Variants in RALGAPA1 observed in about 807,000 individuals in gnomAD.
The protein encoded by RALGAPA1 is ral GTPase-activating protein subunit alpha-1.
A neutral mutation model predicts 269.6 loss-of-function variants in RALGAPA1; 52 were observed. The ratio of observed to expected loss-of-function variants is 0.19; its 90% confidence interval spans 0.15 to 0.24. The LOEUF (loss-of-function observed/expected upper bound fraction) is 0.24, where lower values mean the gene tolerates loss of function less well. Ranked by LOEUF, RALGAPA1 falls within the 10% of genes least tolerant of loss-of-function variation. RALGAPA1 has a pLI of 1.00. For missense variants in RALGAPA1, 1,917 were observed against 3,013.9 expected, an observed-to-expected ratio of 0.64 and a Z score of 8.52; for synonymous variants, 817 against 1,008.3, an observed-to-expected ratio of 0.81 and a Z score of 3.60.
At position 35,681,694 on chromosome 14, in the gene RALGAPA1, A is replaced by T. The variant is rs58105958; in HGVS notation, c.4471+2115T>A. ...CACACCCACCTTTAAGTATACAGTTATTTGAAAAATGGCAACTGCACATGG... is the reference window on the plus strand; with the variant it reads ...CACACCCACCTTTAAGTATACAGTTTTTTGAAAAATGGCAACTGCACATGG... On this transcript the variant is annotated intron_variant, in intron 21 of 41. Transcript: ENST00000680220. Among the ~76,000 whole-genome samples the T allele has an allele frequency of 1.4e-4, 21 of 152,328 alleles. No homozygotes were observed. In the East Asian group the frequency reaches 3.7e-3, roughly 27 times the overall value.
chr14:35,732,796 T>C (rs1308024078), intron 12 of RALGAPA1, among the ~76,000 whole-genome samples: 3 of 152,070 alleles, frequency 2.0e-5, no homozygotes, highest in Non-Finnish European at 4.4e-5. Flanking sequence ...AGCAACACAA[T>C]AATAGTGGGG....
chr14:35,765,496 A>T (rs533490265), intron 4 of RALGAPA1, among the ~76,000 whole-genome samples: 182 of 152,128 alleles, frequency 1.2e-3, no homozygotes, highest in African/African-American at 4.1e-3. Flanking sequence ...ATTTATATAT[A>T]TACTTAACAA....
At chr14:35,608,929 C>T (rs920155221) in intron 35 of RALGAPA1, among the ~76,000 whole-genome samples, 1 of 152,068 alleles carries the variant, frequency 6.6e-6, no homozygotes, top group Admixed American at 6.5e-5. Flanking sequence ...ACAGGATAGA[C>T]CATAAAACAA....
chr14:35,607,090 C>T (rs1029355830), intron 35 of RALGAPA1, among the ~76,000 whole-genome samples: 1 of 152,120 alleles, frequency 6.6e-6, no homozygotes, highest in African/African-American at 2.4e-5. Context: ...AGCTTATCTG[C>T]TGAAAAAATT....
At chr14:35,572,764 A>G in intron 37 of RALGAPA1, 46 bp from the exon 38 acceptor site, 1 of 1,440,632 alleles carries the variant, frequency 6.9e-7, no homozygotes, top group African/African-American at 1.4e-5. Flanking sequence ...AAGCTCTTTG[A>G]GTACAGTCAT....
Position 35,686,534 on chromosome 14 carries a change from A to C in RALGAPA1, c.4077+8T>G, listed in dbSNP as rs1367799110. 1.3e-6 allele frequency: 2 copies of C among 1,592,800 alleles called. No homozygotes were observed. The highest frequency in any genetic ancestry group is 2.7e-5 in the African/African-American group (2 of 74,048). On this transcript the variant is annotated splice_region_variant and intron_variant, in intron 19 of 41. Coordinates refer to ENST00000680220, the MANE Select transcript of RALGAPA1 (RefSeq NM_001346249.2). ...TCTATAAAACCAAATATATAAAATA[A>C]AACTTACCGAGGCATTACCACTTCG...
At chr14:35,801,079 C>A (rs1201186518) in intron 1 of RALGAPA1, among the ~76,000 whole-genome samples, 15 of 142,094 alleles carry the variant, frequency 1.1e-4, no homozygotes, top group Admixed American at 3.5e-4. Context: ...AAAAAAAAAA[C>A]CACACACACA....
At chr14:35,603,872 T>C (rs2059429622) in intron 36 of RALGAPA1, among the ~76,000 whole-genome samples, 1 of 152,048 alleles carries the variant, frequency 6.6e-6, no homozygotes, top group African/African-American at 2.4e-5. Context: ...GAGATGAAGA[T>C]AGGCTGGCTA....
At chr14:35,639,831 C>A (rs866933200) in intron 31 of RALGAPA1, among the ~76,000 whole-genome samples, 4 of 151,066 alleles carry the variant, frequency 2.6e-5, no homozygotes, top group African/African-American at 9.7e-5. Flanking sequence ...CCCAGCTACT[C>A]GGGAGGCTGA....
In RALGAPA1 at chr14:35,605,728, C is replaced by T. The variant is rs769838316; in HGVS notation, c.6930-19G>A. Reference sequence around the variant, plus strand: ...CTCTCGGCTATAAAACAAAAGATTACACCATTAATTTAATCACTATTTTAT... The same window carrying T: ...CTCTCGGCTATAAAACAAAAGATTATACCATTAATTTAATCACTATTTTAT... On this transcript the variant is annotated intron_variant, in intron 35 of 41. Transcript: ENST00000680220. 2.5e-6 allele frequency: 4 copies of T among 1,601,084 alleles called. No homozygotes were observed. The highest frequency in any genetic ancestry group is 1.3e-5 in the African/African-American group (1 of 74,266).
intron 31 of RALGAPA1, among the ~76,000 whole-genome samples, chr14:35,650,066 G>A (rs145171486): frequency 2.6e-5 from 4 of 152,222 alleles, no homozygotes; most frequent in African/African-American, 4.8e-5. Context: ...ACACTAAAGC[G>A]AAGGATTCTT....
chr14:35,761,644 G>A (rs1199807640), intron 5 of RALGAPA1, among the ~76,000 whole-genome samples: 1 of 152,110 alleles, frequency 6.6e-6, no homozygotes, highest in African/African-American at 2.4e-5. Flanking sequence ...GTACACAGAA[G>A]ACAATAAATA....
chr14:35,648,760 T>C (rs986431113), intron 31 of RALGAPA1, among the ~76,000 whole-genome samples: 1 of 152,180 alleles, frequency 6.6e-6, no homozygotes, highest in African/African-American at 2.4e-5. Context: ...ATTGCGCCAC[T>C]GTACTCCAGC....
intron 4 of RALGAPA1, among the ~76,000 whole-genome samples, chr14:35,769,084 A>G (rs544614696): frequency 3.5e-4 from 50 of 143,748 alleles, no homozygotes; most frequent in Non-Finnish European, 6.3e-4. Context: ...ATAAAATATC[A>G]AAGACTAGAA....
intron 12 of RALGAPA1, among the ~76,000 whole-genome samples, chr14:35,737,520 G>A (rs1241405714): frequency 6.6e-6 from 1 of 151,926 alleles, no homozygotes; most frequent in African/African-American, 2.4e-5. Context: ...AATTTGGGAG[G>A]CCAAGGCAGG....
At chr14:35,706,932 G>A (rs1264437321) in intron 16 of RALGAPA1, 2 of 152,008 alleles carry the variant, frequency 1.3e-5, no homozygotes, top group African/African-American at 4.8e-5. Flanking sequence ...GATTAAGTAG[G>A]GAAAAAATGA....
chr14:35,762,413 GC>G (rs2073797156), intron 5 of RALGAPA1, among the ~76,000 whole-genome samples: 2 of 152,068 alleles, frequency 1.3e-5, no homozygotes, highest in Non-Finnish European at 2.9e-5. Context: ...GTGCCACCAC[GC>G]CCGGCTAATT....
intron 33 of RALGAPA1, 86 bp downstream of exon 33, chr14:35,634,488 C>A: frequency 9.4e-7 from 1 of 1,066,136 alleles, no homozygotes; most frequent in African/African-American, 1.6e-5. Flanking sequence ...ACATACTCTC[C>A]TTCTCCAATA....
At chr14:35,740,161 C>T (rs1331492105) in intron 11 of RALGAPA1, among the ~76,000 whole-genome samples, 5 of 152,140 alleles carry the variant, frequency 3.3e-5, no homozygotes, top group African/African-American at 1.2e-4. Flanking sequence ...TAGGTGTTCT[C>T]TCTTTCATGC....
Sources: gnomAD v4.1 joint callset for allele counts (sites outside exome capture counted in the v4.1 genomes callset) on GRCh38, gnomAD v4.1.1 for gene constraint, MANE v1.5 for transcripts, NCBI Gene and HGNC (gene_info 2026-07-23, HGNC 2026-07-21) for gene names.